Variants in C9orf72 observed in about 807,000 individuals in gnomAD.
C9orf72 encodes the protein C9orf72-SMCR8 complex subunit, also known as guanine nucleotide exchange factor C9orf72.
In C9orf72, 44 loss-of-function variants were observed where a neutral mutation model predicts 51.6. The ratio of observed to expected loss-of-function variants is 0.85; its 90% confidence interval spans 0.67 to 1.10. The LOEUF is 1.10. Among genes scored for constraint, C9orf72 ranks in the 50% least tolerant of loss-of-function variants. The pLI is 0.00. For synonymous variants in C9orf72, 213 were observed against 194.2 expected, an observed-to-expected ratio of 1.10 and a Z score of -0.81; for missense variants, 607 against 570.6, an observed-to-expected ratio of 1.06 and a Z score of -0.65.
At chr9:27,567,774 G>C (rs1366416605) in intron 1 of C9orf72, among the ~76,000 whole-genome samples, 1 of 152,128 alleles carries the variant, frequency 6.6e-6, no homozygotes, top group Non-Finnish European at 1.5e-5. Flanking sequence ...GAGATTTGGA[G>C]ACACAGAGAC....
intron 3 of C9orf72, among the ~76,000 whole-genome samples, chr9:27,564,717 C>T (rs930458190): frequency 6.6e-6 from 1 of 151,584 alleles, no homozygotes; most frequent in Non-Finnish European, 1.5e-5. Context: ...TATCATCTGT[C>T]TCATTCATGC....
chr9:27,571,460 C>G (rs3849946), intron 1 of C9orf72, among the ~76,000 whole-genome samples: 1 of 151,784 alleles, frequency 6.6e-6, no homozygotes, highest in East Asian at 1.9e-4. Context: ...AAAGCCCTCA[C>G]TTCTTGTTTT....
At position 27,548,454 on chromosome 9, in the gene C9orf72, A is replaced by AAAAAAAAAAAC; in HGVS notation, c.1260-33_1260-32insGTTTTTTTTTT. The AAAAAAAAAAAC allele has an allele frequency of 1.4e-6, 2 of 1,410,018 alleles. 1 individual carries two copies. The highest frequency in any genetic ancestry group is 3.0e-5 in the African/African-American group (2 of 67,796). 87.3% of individuals were successfully genotyped at this position (1,410,018 alleles called of 1,614,324 possible). ...ATAATGGAAAAAAAAAAAAAAAAAA[A>AAAAAAAAAAAC]AAAAAAAGAAGCGCAAAAATTATGA... is the stretch of plus-strand genomic sequence containing the variant. On this transcript the variant is annotated intron_variant, in intron 10 of 10. Transcript: ENST00000380003.
chr9:27,551,655 A>T (rs1428437269), intron 8 of C9orf72, among the ~76,000 whole-genome samples: 2 of 152,228 alleles, frequency 1.3e-5, no homozygotes, highest in African/African-American at 4.8e-5. Flanking sequence ...TAAAGGGGAA[A>T]AATATTAGCA....
chr9:27,567,483 G>A (rs41272891), intron 1 of C9orf72, among the ~76,000 whole-genome samples: 3,356 of 152,182 alleles, frequency 0.022, 57 homozygotes, highest in Middle Eastern at 0.048. Flanking sequence ...GAATAGACCC[G>A]CAGTATTCCC....
At chr9:27,555,969 T>A (rs1821002515) in intron 8 of C9orf72, among the ~76,000 whole-genome samples, 1 of 152,034 alleles carries the variant, frequency 6.6e-6, no homozygotes. Flanking sequence ...TTTATCATCA[T>A]CATTTTTTTT....
Position 27,567,146 on chromosome 9 carries a change from C to A in C9orf72, c.-26G>T. ...CACTGCATTCCAACTGTCACATTAT[C>A]CAAATGCTCCGGAGATATCTAAACA... is the stretch of plus-strand genomic sequence containing the variant. On this transcript the variant is annotated 5_prime_UTR_variant, in exon 2 of 11. Coordinates refer to ENST00000380003, the MANE Select transcript of C9orf72 (RefSeq NM_018325.5). 1 of 1,587,154 alleles carries A rather than the reference C, an allele frequency of 6.3e-7. No individual in the cohort carries two copies. Among genetic ancestry groups the A allele is most frequent in the Non-Finnish European group, 8.6e-7 (1 of 1,159,258 alleles).
In C9orf72 at chr9:27,558,508, C is replaced by T. The variant is rs1819263209; in HGVS notation, c.838G>A (p.Val280Ile). The T allele has an allele frequency of 6.3e-7, 1 of 1,588,970 alleles. No individual in the cohort carries two copies. Among genetic ancestry groups the T allele is most frequent in the Non-Finnish European group, 8.6e-7 (1 of 1,163,732 alleles). The stretch of plus-strand genomic sequence containing the variant: ...AACTATACCTTTAGCAGGCCTTGTA[C>T]AAAGAGCCCTGACTCATATTTAAAT... ...SSFKYESGLF[V>I]QGLLKDSTGS... is the part of the protein sequence containing the mutation. The change falls in exon 7 of 11, where the codon GTA (valine) becomes ATA (isoleucine). Residue 280 changes from valine (V) to isoleucine (I), a missense_variant. Coordinates refer to ENST00000380003, the MANE Select transcript of C9orf72 (RefSeq NM_018325.5).
intron 7 of C9orf72, among the ~76,000 whole-genome samples, chr9:27,557,252 G>A (rs937927548): frequency 6.6e-6 from 1 of 152,122 alleles, no homozygotes; most frequent in Non-Finnish European, 1.5e-5. Flanking sequence ...AAAATTACAA[G>A]TGTCTTTTAA....
intron 7 of C9orf72, 102 bp from the exon 8 acceptor site, chr9:27,556,898 T>G: frequency 1.3e-6 from 1 of 761,416 alleles, no homozygotes; most frequent in Non-Finnish European, 2.2e-6. Context: ...AATCCATCTC[T>G]AAAAATTTAT....
rs11292923 is a variant in C9orf72, at chr9:27,548,435, G to GAAA, written c.1260-16_1260-14dup. 3.3e-3 allele frequency: 568 copies of GAAA among 174,620 alleles called. 4 individuals are homozygous for GAAA. Among genetic ancestry groups the GAAA allele is most frequent in the Non-Finnish European group, 3.7e-3 (402 of 109,208 alleles). 10.8% of individuals were successfully genotyped at this position (174,620 alleles called of 1,614,324 possible). ...TTTTCCCTTCTGCCTAAAAATAATG[G>GAAA]AAAAAAAAAAAAAAAAAAAAAAAAA... On this transcript the variant is annotated splice_polypyrimidine_tract_variant and intron_variant, in intron 10 of 10. Coordinates refer to ENST00000380003, the MANE Select transcript of C9orf72 (RefSeq NM_018325.5).
In C9orf72 at chr9:27,548,143, T is replaced by C. The variant is rs978243871; in HGVS notation, c.*93A>G. Reference sequence around the variant, plus strand: ...ACTGCAATTGCTGAGAGCAGAATTCTGGAGTATGATCCAGGGGAACGTTTC... The same window carrying C: ...ACTGCAATTGCTGAGAGCAGAATTCCGGAGTATGATCCAGGGGAACGTTTC... On this transcript the variant is annotated 3_prime_UTR_variant, in exon 11 of 11. Coordinates refer to ENST00000380003, the MANE Select transcript of C9orf72 (RefSeq NM_018325.5). 7 of 934,022 alleles carry C rather than the reference T, an allele frequency of 7.5e-6. No homozygotes were observed. The African/African-American group carries it at 1.2e-4, about 16-fold the overall frequency. The allele number at this position is 934,022 out of a possible 1,614,324, so 57.9% of individuals were successfully genotyped here.
intron 4 of C9orf72, 130 bp downstream of exon 4, chr9:27,562,251 C>T: frequency 2.6e-6 from 1 of 384,404 alleles, no homozygotes; most frequent in South Asian, 1.3e-4. Flanking sequence ...GCTAAAGTGG[C>T]TAATACTGTA....
rs773831755 is a variant in C9orf72 at position 27,567,164 on chromosome 9, T to C, written c.-44A>G. 8.0e-6 allele frequency: 12 copies of C among 1,503,178 alleles called. No individual in the cohort carries two copies. The Admixed American group carries it at 1.7e-4, about 22-fold the overall frequency. The allele number at this position is 1,503,178 out of a possible 1,614,324, so 93.1% of individuals were successfully genotyped here. Reference sequence around the variant, plus strand: ...ACATTATCCAAATGCTCCGGAGATATCTAAACAATGACATATGAAACCAAT... The same window carrying C: ...ACATTATCCAAATGCTCCGGAGATACCTAAACAATGACATATGAAACCAAT... On this transcript the variant is annotated splice_region_variant and 5_prime_UTR_variant, in exon 2 of 11. Transcript: ENST00000380003.
chr9:27,567,157 G>C lies in C9orf72; in HGVS notation c.-37C>G. The C allele has an allele frequency of 6.5e-7, 1 of 1,538,000 alleles. No individual in the cohort carries two copies. The highest frequency in any genetic ancestry group is 8.9e-7 in the Non-Finnish European group (1 of 1,119,654). On this transcript the variant is annotated 5_prime_UTR_variant, in exon 2 of 11. Coordinates refer to ENST00000380003, the MANE Select transcript of C9orf72 (RefSeq NM_018325.5). ...AACTGTCACATTATCCAAATGCTCC[G>C]GAGATATCTAAACAATGACATATGA...
At chr9:27,569,573 A>G (rs1327664709) in intron 1 of C9orf72, among the ~76,000 whole-genome samples, 1 of 152,220 alleles carries the variant, frequency 6.6e-6, no homozygotes, top group Non-Finnish European at 1.5e-5. Context: ...ACTATACCAT[A>G]CGGCCTAGGT....
intron 3 of C9orf72, among the ~76,000 whole-genome samples, chr9:27,563,540 C>A (rs1305838120): frequency 6.6e-6 from 1 of 152,100 alleles, no homozygotes; most frequent in Non-Finnish European, 1.5e-5. Flanking sequence ...TTTTTCCTCA[C>A]TTATTTTATG....
chr9:27,552,515 ATTTT>A (rs71492751), intron 8 of C9orf72, among the ~76,000 whole-genome samples: 6 of 105,624 alleles, frequency 5.7e-5, no homozygotes, highest in Non-Finnish European at 7.2e-5. Flanking sequence ...TACCAAGCTA[ATTTT>A]TTTTTTTTTT....
intron 1 of C9orf72, among the ~76,000 whole-genome samples, chr9:27,569,503 A>T (rs1819540729): frequency 6.6e-6 from 1 of 152,222 alleles, no homozygotes; most frequent in African/African-American, 2.4e-5. Flanking sequence ...ACTGTGTTAC[A>T]ACTGTCTATA....
Sources: gnomAD v4.1 joint callset for allele counts (sites outside exome capture counted in the v4.1 genomes callset) on GRCh38, gnomAD v4.1.1 for gene constraint, MANE v1.5 for transcripts, NCBI Gene and HGNC (gene_info 2026-07-23, HGNC 2026-07-21) for gene names.